PSG1: variants seen among roughly 807,000 people sequenced by gnomAD.
PSG1 encodes the protein pregnancy specific beta-1-glycoprotein 1, also known as pregnancy-specific beta-1-glycoprotein 1.
PSG1 carries 60 observed loss-of-function variants against 41.4 expected under a neutral mutation model. The observed-to-expected ratio is 1.45, with a 90% CI of 1.18 to 1.80. The LOEUF is 1.80. Ranked by LOEUF, PSG1 falls within the 40% of genes most tolerant of loss-of-function variation. The probability of loss-of-function intolerance (pLI) is 0.00; values close to 1 mark genes in which losing one functional copy is unlikely to be tolerated. For missense variants in PSG1, 806 were observed against 516.9 expected, an observed-to-expected ratio of 1.56 and a Z score of -5.42; for synonymous variants, 256 against 192.9, an observed-to-expected ratio of 1.33 and a Z score of -2.71.
At chr19:42,872,663 G>A (rs1468722529) in intron 2 of PSG1, among the ~76,000 whole-genome samples, 1 of 151,622 alleles carries the variant, frequency 6.6e-6, no homozygotes, top group Non-Finnish European at 1.5e-5. Context: ...TGACTGAGTT[G>A]AGCTAGTGAC....
rs1344010553 is a variant in PSG1, at chr19:42,878,251, G to A, written c.92C>T (p.Pro31Leu). The change falls in exon 2 of 6, where the codon CCC becomes CTC. Residue 31 changes from proline to leucine, a missense_variant. By Grantham distance (98) the Pro-to-Leu change is moderately conservative (BLOSUM62 -3). Transcript: ENST00000436291. Reference sequence around the variant, plus strand: ...TTCAATCGTGACTTGGGCAGTGGTGGGCAGGTTCCAGAAGTTTAAAAGTGA... The same window carrying A: ...TTCAATCGTGACTTGGGCAGTGGTGAGCAGGTTCCAGAAGTTTAAAAGTGA... ...TASLLNFWNL[P>L]TTAQVTIEAE... 1.1e-5 allele frequency: 17 copies of A among 1,609,846 alleles called. 1 individual carries two copies. Among genetic ancestry groups the A allele is most frequent in the Non-Finnish European group, 1.4e-5 (17 of 1,178,196 alleles).
chr19:42,872,557 C>T (rs528808104), intron 2 of PSG1, among the ~76,000 whole-genome samples: 9 of 151,756 alleles, frequency 5.9e-5, no homozygotes, highest in East Asian at 1.9e-4. Context: ...GGTATTCTAG[C>T]ATAAAACAGG....
rs766106438 is a variant in PSG1, at chr19:42,878,042, C to T, written c.301G>A (p.Ala101Thr). Reference sequence around the variant, plus strand: ...ATCAGCAGGGATGCATTGGAATATGCTGTTTCTCGTCCACTATATGCAGGC... The same window carrying T: ...ATCAGCAGGGATGCATTGGAATATGTTGTTTCTCGTCCACTATATGCAGGC... ...YGPAYSGRET[A>T]YSNASLLIQN... Residue 101 changes from alanine (A) to threonine (T), a missense_variant, in exon 2 of 6, where the codon GCA (alanine) becomes ACA (threonine). By Grantham distance (58) the Ala-to-Thr change is moderately conservative (BLOSUM62 0). Transcript: ENST00000436291. The T allele has an allele frequency of 1.5e-5, 24 of 1,612,344 alleles. No homozygotes were observed. In the Admixed American group the frequency reaches 3.2e-4, roughly 21 times the overall value.
In PSG1 at chr19:42,879,711, C is replaced by G; in HGVS notation, c.-130G>C. On this transcript the variant is annotated 5_prime_UTR_variant, in exon 1 of 6. Coordinates refer to ENST00000436291, the MANE Select transcript of PSG1 (RefSeq NM_001184825.2). ...GCCTCTTCCCAGGGCAGGAGCAATTCTCAAGCTCATGGGCAGGGTCAGGCC... is the reference window on the plus strand; with the variant it reads ...GCCTCTTCCCAGGGCAGGAGCAATTGTCAAGCTCATGGGCAGGGTCAGGCC... The G allele has an allele frequency of 7.2e-7, 1 of 1,396,634 alleles. No homozygotes were observed. The allele number at this position is 1,396,634 out of a possible 1,614,324, so 86.5% of individuals were successfully genotyped here. A position where few individuals can be genotyped will look rare whatever the true frequency, so the allele number is the denominator to read the frequency against.
At chr19:42,879,314 G>C (rs1971766350) in intron 1 of PSG1, among the ~76,000 whole-genome samples, 1 of 151,040 alleles carries the variant, frequency 6.6e-6, no homozygotes, top group Non-Finnish European at 1.5e-5. Context: ...CACCATACCT[G>C]GTTAAATTTT....
intron 1 of PSG1, 121 bp downstream of exon 1, chr19:42,879,397 C>T (rs1568429759): frequency 1.0e-5 from 15 of 1,445,310 alleles, no homozygotes; most frequent in Non-Finnish European, 1.3e-5. Flanking sequence ...CATGATCCAC[C>T]CACCTCAGAC....
At position 42,869,718 on chromosome 19, in the gene PSG1, G is replaced by A. The variant is rs1971300391; in HGVS notation, c.710-684C>T. 1.3e-5 allele frequency: 2 copies of A among 153,322 alleles called. 1 individual carries two copies. Among genetic ancestry groups the A allele is most frequent in the South Asian group, 4.1e-4 (2 of 4,846 alleles). 9.5% of individuals were successfully genotyped at this position (153,322 alleles called of 1,614,324 possible). ...CAAGGAATGATCTAGAAAGAGTGAA[G>A]GGGACAGGCAAGAGCTGGTGGCTTT... On this transcript the variant is annotated intron_variant, in intron 3 of 5. Coordinates refer to ENST00000436291, the MANE Select transcript of PSG1 (RefSeq NM_001184825.2).
chr19:42,879,386 T>A, intron 1 of PSG1, 132 bp downstream of exon 1: 1 of 1,398,954 alleles, frequency 7.1e-7, no homozygotes, highest in Non-Finnish European at 9.9e-7. Flanking sequence ...ACTTCTGATC[T>A]CATGATCCAC....
chr19:42,876,215 A>C lies in PSG1; in HGVS notation c.430+1698T>G, dbSNP rs1971598348. Among the ~76,000 whole-genome samples the C allele has an allele frequency of 2.6e-5, 4 of 151,488 alleles. No individual in the cohort carries two copies. The South Asian group carries it at 8.4e-4, about 32-fold the overall frequency. ...ATGAAGTGGGAGGAAGATGAGGGAC[A>C]CAGAGAAGCAGAGAGAGGCAGATAC... On this transcript the variant is annotated intron_variant, in intron 2 of 5. Coordinates refer to ENST00000436291, the MANE Select transcript of PSG1 (RefSeq NM_001184825.2).
chr19:42,867,046 C>A lies in PSG1; in HGVS notation c.*88G>T, dbSNP rs760809776. The A allele has an allele frequency of 3.9e-6, 3 of 770,276 alleles. No homozygotes were observed. Among genetic ancestry groups the A allele is most frequent in the South Asian group, 2.7e-5 (2 of 74,384 alleles). The allele number at this position is 770,276 out of a possible 1,614,324, so 47.7% of individuals were successfully genotyped here. A position where few individuals can be genotyped will look rare whatever the true frequency, so the allele number is the denominator to read the frequency against. Reference sequence around the variant, plus strand: ...CATGAAATTTACATTGAGTTGTCCACCTCCAGCTTATAGGGCTTCTGGAAC... The same window carrying A: ...CATGAAATTTACATTGAGTTGTCCAACTCCAGCTTATAGGGCTTCTGGAAC... On this transcript the variant is annotated 3_prime_UTR_variant, in exon 6 of 6. Transcript: ENST00000436291.
chr19:42,872,199 A>C (rs1458176402), intron 2 of PSG1, among the ~76,000 whole-genome samples, 154 bp from the exon 3 acceptor site: 2 of 151,614 alleles, frequency 1.3e-5, no homozygotes, highest in Admixed American at 6.6e-5. Context: ...GATGCATGGC[A>C]ATCTGAGGGC....
intron 2 of PSG1, 35 bp from the exon 3 acceptor site, chr19:42,872,080 G>A (rs767063925): frequency 3.8e-6 from 6 of 1,590,546 alleles, no homozygotes. Context: ...TGCCGTGTGT[G>A]GCGCCTTTGA....
chr19:42,868,893 G>C lies in PSG1; in HGVS notation c.851C>G (p.Pro284Arg), dbSNP rs769714836. The C allele has an allele frequency of 6.2e-7, 1 of 1,610,532 alleles. No homozygotes were observed. Among genetic ancestry groups the C allele is most frequent in the Admixed American group, 1.7e-5 (1 of 59,864 alleles). The change falls in exon 4 of 6, where the codon CCC becomes CGC. Residue 284 changes from proline (P) to arginine (R), a missense_variant. By Grantham distance (103) the Pro-to-Arg change is moderately radical. Coordinates refer to ENST00000436291, the MANE Select transcript of PSG1 (RefSeq NM_001184825.2). ...GTTTTCAATGGGTCGCTTTACCCTG[G>C]GACTGACCGGGAGGCTCTGACCATT... is the stretch of plus-strand genomic sequence containing the variant. ...WLNGQSLPVS[P>R]RVKRPIENRI...
chr19:42,879,433 T>G, intron 1 of PSG1, 85 bp downstream of exon 1: 1 of 1,569,182 alleles, frequency 6.4e-7, no homozygotes, highest in Non-Finnish European at 8.7e-7. Context: ...TTCTTTCATT[T>G]TTTAGAACCC....
chr19:42,867,876 G>A (rs1443898779), intron 5 of PSG1: 3 of 1,381,824 alleles, frequency 2.2e-6, no homozygotes, highest in East Asian at 4.7e-5. Flanking sequence ...TGAAATCAAT[G>A]TTCTTCCTGC....
At position 42,867,010 on chromosome 19, in the gene PSG1, A is replaced by G; in HGVS notation, c.*124T>C. 1 of 765,764 alleles carries G rather than the reference A, an allele frequency of 1.3e-6. No homozygotes were observed. 47.4% of individuals were successfully genotyped at this position (765,764 alleles called of 1,614,324 possible). A position where few individuals can be genotyped will look rare whatever the true frequency, so the allele number is the denominator to read the frequency against. On this transcript the variant is annotated 3_prime_UTR_variant, in exon 6 of 6. Transcript: ENST00000436291. ...TCTGAGTGGCTCATGCTTCACGTACAAGGGTTTTCCCATGAAATTTACATT... is the reference window on the plus strand; with the variant it reads ...TCTGAGTGGCTCATGCTTCACGTACGAGGGTTTTCCCATGAAATTTACATT...
chr19:42,877,532 T>C (rs1255424529), intron 2 of PSG1, among the ~76,000 whole-genome samples: 2 of 151,704 alleles, frequency 1.3e-5, no homozygotes, highest in African/African-American at 4.8e-5. Context: ...GGGTTGAGGC[T>C]TCTAGGGCTG....
chr19:42,869,021 C>A lies in PSG1; in HGVS notation c.723G>T (p.Lys241Asn), dbSNP rs759290841. ...TTAAGTTGTTGATGGTGATGTAGGG[C>A]TTGGGCAGCTTCGCTGTGTGGATAA... is the stretch of plus-strand genomic sequence containing the variant. ...VTLNLLPKLP[K>N]PYITINNLNP... Residue 241 changes from lysine (K) to asparagine (N), a missense_variant, in exon 4 of 6, where the codon AAG becomes AAT. Lys to Asn is a moderately conservative substitution (Grantham distance 94). Transcript: ENST00000436291. 1.9e-6 allele frequency: 3 copies of A among 1,610,216 alleles called. 1 individual carries two copies. Among genetic ancestry groups the A allele is most frequent in the Non-Finnish European group, 2.5e-6 (3 of 1,178,820 alleles).
rs147901862 is a variant in PSG1, at chr19:42,877,935, T to C, written c.408A>G (p.Gly136=). 1 of 1,612,238 alleles carries C rather than the reference T, an allele frequency of 6.2e-7. No homozygotes were observed. Among genetic ancestry groups the C allele is most frequent in the African/African-American group, 1.3e-5 (1 of 74,744 alleles). Residue 136 remains glycine, a synonymous_variant, in exon 2 of 6, where the codon GGA becomes GGG. Transcript: ENST00000436291. The part of the protein sequence containing the change: ...KGDDGTRGVT[G]RFTFTLHLET... ...TACGGTGTAAGGTGAAGGTGAAACG[T>C]CCAGTTACTCCTCTAGTCCCATCAT... is the stretch of plus-strand genomic sequence containing the variant.
Sources: allele counts gnomAD v4.1 joint callset (sites outside exome capture counted in the v4.1 genomes callset), GRCh38; gene constraint gnomAD v4.1.1; transcripts MANE v1.5; gene names NCBI Gene and HGNC (gene_info 2026-07-23, HGNC 2026-07-21).